PGS1: variants seen among roughly 807,000 people sequenced by gnomAD.
The protein encoded by PGS1 is phosphatidylglycerophosphate synthase 1.
In PGS1, 44 loss-of-function variants were observed where a neutral mutation model predicts 58.3. The observed-to-expected ratio is 0.75, with a 90% CI of 0.59 to 0.97. The LOEUF is 0.97. PGS1 is among the 50% of genes least tolerant of loss of function. The pLI is 0.00. For missense variants in PGS1, 684 were observed against 731.1 expected (o/e 0.94, Z 0.74); for synonymous variants, 330 against 311.0 (o/e 1.06, Z -0.64).
In PGS1 at chr17:78,403,579, G is replaced by A. The variant is rs201765653; in HGVS notation, c.892G>A (p.Glu298Lys). Reference sequence around the variant, plus strand: ...CACGTCTTCCCCAGGGGACCGGGCCGAGTACTGCAAGGCAGCCAATAAGAG... The same window carrying A: ...CACGTCTTCCCCAGGGGACCGGGCCAAGTACTGCAAGGCAGCCAATAAGAG... Reference protein sequence around the residue: ...MVHPYKGDRAEYCKAANKRVM... With the variant: ...MVHPYKGDRAKYCKAANKRVM... Residue 298 changes from glutamate (E) to lysine (K), a missense_variant, in exon 7 of 10, where the codon GAG becomes AAG. Glu to Lys is a moderately conservative substitution (Grantham distance 56). Coordinates refer to ENST00000262764, the MANE Select transcript of PGS1 (RefSeq NM_024419.5). 205 of 1,610,058 alleles carry A rather than the reference G, an allele frequency of 1.3e-4. 1 individual carries two copies. The highest frequency in any genetic ancestry group is 2.3e-4 in the Admixed American group (14 of 59,944).
chr17:78,386,295 G>A (rs986614448), intron 1 of PGS1, among the ~76,000 whole-genome samples: 1 of 152,178 alleles, frequency 6.6e-6, no homozygotes, highest in Non-Finnish European at 1.5e-5. Flanking sequence ...GATGTAGTAC[G>A]GCTGGTTTGA....
intron 8 of PGS1, among the ~76,000 whole-genome samples, chr17:78,415,699 A>G (rs2085123084): frequency 6.6e-6 from 1 of 152,156 alleles, no homozygotes; most frequent in South Asian, 2.1e-4. Context: ...TTTCTCTTTG[A>G]GGGAGATAAA....
intron 1 of PGS1, 151 bp from the exon 2 acceptor site, chr17:78,392,325 T>A: frequency 1.8e-6 from 1 of 558,236 alleles, no homozygotes; most frequent in East Asian, 3.2e-5. Flanking sequence ...TTGGGCTCAC[T>A]TTTTAAAATG....
At chr17:78,423,456 G>A (rs548805693) in intron 9 of PGS1, among the ~76,000 whole-genome samples, 3 of 152,296 alleles carry the variant, frequency 2.0e-5, no homozygotes, top group Admixed American at 6.5e-5. Flanking sequence ...ATGGGGTAAC[G>A]CCCTGTCCCC....
intron 2 of PGS1, 120 bp downstream of exon 2, chr17:78,392,785 G>A (rs1025214411): frequency 1.5e-5 from 11 of 749,086 alleles, no homozygotes; most frequent in Non-Finnish European, 2.4e-5. Context: ...TTCCTTCTGG[G>A]TTTTACCTGT....
chr17:78,413,404 G>C (rs2084896604), intron 7 of PGS1, among the ~76,000 whole-genome samples: 1 of 152,184 alleles, frequency 6.6e-6, no homozygotes, highest in African/African-American at 2.4e-5. Flanking sequence ...GGCAACTCGG[G>C]GATGCTGGGA....
chr17:78,379,070 C>G (rs924405964), intron 1 of PGS1, among the ~76,000 whole-genome samples: 1 of 152,190 alleles, frequency 6.6e-6, no homozygotes, highest in Non-Finnish European at 1.5e-5. Context: ...GTCCTTGCTC[C>G]CCGTCTACAC....
At position 78,400,834 on chromosome 17, in the gene PGS1, G is replaced by T; in HGVS notation, c.859G>T (p.Gly287Trp). Residue 287 changes from glycine to tryptophan, a missense_variant, in exon 6 of 10, where the codon GGG becomes TGG. Transcript: ENST00000262764. This position sits in a 1 kb window ranked among gnomAD's most constrained non-coding sequence, Gnocchi z 4.4. ...GGACGACACGGTGCAGGTGGTGGAT[G>T]GGATGGTGCATCCTTACAAAGGTAG... Reference protein sequence around the residue: ...QGDDTVQVVDGMVHPYKGDRA... With the variant: ...QGDDTVQVVDWMVHPYKGDRA... The T allele has an allele frequency of 6.2e-7, 1 of 1,608,590 alleles. No homozygotes were observed. Among genetic ancestry groups the T allele is most frequent in the Non-Finnish European group, 8.5e-7 (1 of 1,176,508 alleles).
At chr17:78,419,810 T>TC in intron 9 of PGS1, 135 bp downstream of exon 9, 1 of 1,481,730 alleles carries the variant, frequency 6.7e-7, no homozygotes, top group Non-Finnish European at 9.0e-7. Flanking sequence ...AGCAGCATCT[T>TC]CAGGGGTATG....
chr17:78,381,645 C>A (rs1226162210), intron 1 of PGS1, among the ~76,000 whole-genome samples: 1 of 152,140 alleles, frequency 6.6e-6, no homozygotes, highest in African/African-American at 2.4e-5. Context: ...GATAATAGTT[C>A]TGTGCAGTCA....
intron 1 of PGS1, among the ~76,000 whole-genome samples, chr17:78,381,617 G>A (rs2082042537): frequency 6.6e-6 from 1 of 152,102 alleles, no homozygotes; most frequent in African/African-American, 2.4e-5. Flanking sequence ...CTTGTAACTC[G>A]CTGATCATTG....
At chr17:78,393,498 G>A (rs910394711) in intron 2 of PGS1, among the ~76,000 whole-genome samples, 5 of 152,192 alleles carry the variant, frequency 3.3e-5, no homozygotes, top group African/African-American at 1.2e-4. Context: ...GGGGAGGAGG[G>A]CATCTTTATC....
chr17:78,396,847 CTCAT>C (rs1487797169), intron 3 of PGS1, among the ~76,000 whole-genome samples: 1 of 152,246 alleles, frequency 6.6e-6, no homozygotes, highest in Non-Finnish European at 1.5e-5. Flanking sequence ...CACAGCCACA[CTCAT>C]TCATTTGTGT....
chr17:78,399,427 G>T lies in PGS1; in HGVS notation c.591G>T (p.Thr197=). ...AGGTCCGAGTCTCCCTCTTTCACAC[G>T]CCGCACCTCCGTGGGCTGCTTCGGC... ...PEQVRVSLFH[T]PHLRGLLRLL... Residue 197 remains threonine, a synonymous_variant, in exon 5 of 10, where the codon ACG becomes ACT. Coordinates refer to ENST00000262764, the MANE Select transcript of PGS1 (RefSeq NM_024419.5). 1 of 1,614,060 alleles carries T rather than the reference G, an allele frequency of 6.2e-7. No homozygotes were observed. The highest frequency in any genetic ancestry group is 1.1e-5 in the South Asian group (1 of 91,082).
At chr17:78,391,288 G>A (rs1001827677) in intron 1 of PGS1, among the ~76,000 whole-genome samples, 3 of 151,970 alleles carry the variant, frequency 2.0e-5, no homozygotes, top group Non-Finnish European at 1.5e-5. Context: ...ATTTGCTCCC[G>A]TCTCTCCCTG....
At chr17:78,393,128 T>A (rs550657423) in intron 2 of PGS1, among the ~76,000 whole-genome samples, 1 of 151,946 alleles carries the variant, frequency 6.6e-6, no homozygotes, top group African/African-American at 2.4e-5. Context: ...TGGCTCAATC[T>A]TGGCTCACTG....
At chr17:78,406,392 T>C (rs2092220032) in intron 7 of PGS1, among the ~76,000 whole-genome samples, 1 of 152,192 alleles carries the variant, frequency 6.6e-6, no homozygotes, top group Non-Finnish European at 1.5e-5. Context: ...GAACCCACCA[T>C]GGTGTTTAAA....
chr17:78,414,118 C>T (rs939012509), intron 7 of PGS1, among the ~76,000 whole-genome samples: 4 of 152,236 alleles, frequency 2.6e-5, no homozygotes, highest in African/African-American at 9.6e-5. Context: ...AGGCCTGGAC[C>T]CCCTTTGTCC....
intron 4 of PGS1, 50 bp from the exon 5 acceptor site, chr17:78,399,298 G>A (rs1475374838): frequency 1.4e-6 from 2 of 1,475,662 alleles, no homozygotes; most frequent in African/African-American, 2.8e-5. Flanking sequence ...ATTGGGGGCA[G>A]GACGCCTTCC....
Sources: allele counts gnomAD v4.1 joint callset (sites outside exome capture counted in the v4.1 genomes callset), GRCh38; gene constraint gnomAD v4.1.1; non-coding constraint Gnocchi (gnomAD v3.1); transcripts MANE v1.5; gene names NCBI Gene and HGNC (gene_info 2026-07-23, HGNC 2026-07-21).